The following UNC5D variants were observed in gnomAD, a reference collection of about 807,000 sequenced individuals.
The protein encoded by UNC5D is unc-5 netrin receptor D, also known as netrin receptor UNC5D.
A neutral mutation model predicts 105.4 loss-of-function variants in UNC5D; 39 were observed. The ratio of observed to expected loss-of-function variants is 0.37; its 90% CI spans 0.29 to 0.48. The LOEUF (loss-of-function observed/expected upper bound fraction) is 0.48, where lower values mean the gene tolerates loss of function less well. Ranked by LOEUF, UNC5D falls within the 20% of genes least tolerant of loss-of-function variation. The pLI, the probability that UNC5D is intolerant of heterozygous loss-of-function variation, is 0.98. For missense variants in UNC5D, 991 were observed against 1,202.4 expected (o/e 0.82, Z 2.60); for synonymous variants, 452 against 450.4 (o/e 1.00, Z -0.04).
At chr8:35,265,347 A>G (rs1255021173) in intron 1 of UNC5D, among the ~76,000 whole-genome samples, 2 of 151,052 alleles carry the variant, frequency 1.3e-5, no homozygotes, top group African/African-American at 4.9e-5. Context: ...CTTTTTCTGT[A>G]AAAAAAGATA....
At position 35,795,302 on chromosome 8, in the gene UNC5D, T is replaced by C. The variant is rs1453530019; in HGVS notation, c.*4739T>C. On this transcript the variant is annotated 3_prime_UTR_variant, in exon 17 of 17. Transcript: ENST00000404895. Reference sequence around the variant, plus strand: ...CAAAATACTTTCACAAAAGGCATGATTACAATGGAAATGCCCCTTTGCCTC... The same window carrying C: ...CAAAATACTTTCACAAAAGGCATGACTACAATGGAAATGCCCCTTTGCCTC... 6.6e-6 allele frequency: 1 copy of C among 152,196 alleles called. No individual in the cohort carries two copies. The highest frequency in any genetic ancestry group is 1.5e-5 in the Non-Finnish European group (1 of 68,046). The allele number at this position is 152,196 out of a possible 1,614,324, so 9.4% of individuals were successfully genotyped here.
intron 1 of UNC5D, among the ~76,000 whole-genome samples, chr8:35,400,586 G>A (rs1804395420): frequency 6.6e-6 from 1 of 152,058 alleles, no homozygotes; most frequent in Admixed American, 6.5e-5. Context: ...ACCTCTCCTA[G>A]CTGTGTTTTC....
At chr8:35,606,570 TC>T (rs1027786595) in intron 4 of UNC5D, among the ~76,000 whole-genome samples, 4 of 152,086 alleles carry the variant, frequency 2.6e-5, no homozygotes, top group African/African-American at 9.7e-5. Flanking sequence ...ATCCTCTTCC[TC>T]CTCCCACCCT....
At position 35,407,833 on chromosome 8, in the gene UNC5D, C is replaced by T. The variant is rs150335720; in HGVS notation, c.104-141459C>T. On this transcript the variant is annotated intron_variant, in intron 1 of 16. Coordinates refer to ENST00000404895, the MANE Select transcript of UNC5D (RefSeq NM_080872.4). ...GTGTTAGTTTGCTAAGGATAATGGC[C>T]TCCAACTCCATCCATTTCCCTGCAA... Among the ~76,000 whole-genome samples the T allele has an allele frequency of 2.6e-3, 399 of 152,140 alleles. 2 individuals carry two copies. Among genetic ancestry groups the T allele is most frequent in the African/African-American group, 9.0e-3 (373 of 41,512 alleles).
chr8:35,699,847 G>T (rs1025192390), intron 7 of UNC5D, among the ~76,000 whole-genome samples: 1 of 152,040 alleles, frequency 6.6e-6, no homozygotes, highest in Admixed American at 6.6e-5. Flanking sequence ...AAAGAAAAAC[G>T]CAATAAGGAA....
chr8:35,692,969 A>G (rs1199912396), intron 7 of UNC5D, among the ~76,000 whole-genome samples: 1 of 152,158 alleles, frequency 6.6e-6, no homozygotes, highest in Non-Finnish European at 1.5e-5. Context: ...GACCCACAGG[A>G]GTCATAATAA....
At chr8:35,396,283 T>C (rs1274010068) in intron 1 of UNC5D, among the ~76,000 whole-genome samples, 1 of 152,080 alleles carries the variant, frequency 6.6e-6, no homozygotes, top group Non-Finnish European at 1.5e-5. Context: ...CTATGATGCA[T>C]TACAACGAAA....
intron 1 of UNC5D, among the ~76,000 whole-genome samples, chr8:35,457,183 CT>C (rs1191312481): frequency 2.0e-5 from 3 of 152,006 alleles, no homozygotes; most frequent in Non-Finnish European, 2.9e-5. Flanking sequence ...TCTTCTCTTT[CT>C]TTTTTTATGT....
intron 1 of UNC5D, among the ~76,000 whole-genome samples, chr8:35,420,204 C>A (rs1460366305): frequency 6.6e-6 from 1 of 151,216 alleles, no homozygotes; most frequent in Non-Finnish European, 1.5e-5. Flanking sequence ...TTTTTTGTTT[C>A]TTCTTTTTTT....
chr8:35,387,404 G>A (rs1476456546), intron 1 of UNC5D, among the ~76,000 whole-genome samples: 4 of 149,150 alleles, frequency 2.7e-5, no homozygotes, highest in Non-Finnish European at 5.9e-5. Flanking sequence ...GGCCCTCTGC[G>A]TCCATCTGAT....
intron 1 of UNC5D, among the ~76,000 whole-genome samples, chr8:35,444,085 ATTTGGGGGAACC>A (rs1563424614): frequency 6.6e-6 from 1 of 152,044 alleles, no homozygotes; most frequent in African/African-American, 2.4e-5. Flanking sequence ...TGTTAAAAGT[ATTTGGGGGAACC>A]TTTTTTTCAC....
chr8:35,619,548 C>G (rs1286727809), intron 4 of UNC5D, among the ~76,000 whole-genome samples: 1 of 152,152 alleles, frequency 6.6e-6, no homozygotes, highest in African/African-American at 2.4e-5. Flanking sequence ...CGACTTGCTT[C>G]TCAAGCTTTA....
At chr8:35,726,566 T>G (rs1014133772) in intron 10 of UNC5D, 37 bp downstream of exon 10, 1 of 1,591,920 alleles carries the variant, frequency 6.3e-7, no homozygotes. Flanking sequence ...TTTTCCATCA[T>G]TTAAATGTTT....
chr8:35,272,140 A>G (rs1366343152), intron 1 of UNC5D, among the ~76,000 whole-genome samples: 1 of 152,188 alleles, frequency 6.6e-6, no homozygotes. Context: ...AAGAAAAAAA[A>G]TAAAACATGA....
At chr8:35,600,882 T>C (rs528398091) in intron 4 of UNC5D, among the ~76,000 whole-genome samples, 5 of 152,292 alleles carry the variant, frequency 3.3e-5, no homozygotes, top group South Asian at 4.1e-4. Flanking sequence ...CCCATGCCTA[T>C]GTCCTGAATG....
chr8:35,617,114 T>C (rs1821075907), intron 4 of UNC5D, among the ~76,000 whole-genome samples: 1 of 152,130 alleles, frequency 6.6e-6, no homozygotes, highest in South Asian at 2.1e-4. Context: ...AAATGTAGAC[T>C]GCCTTTGTTT....
Position 35,446,308 on chromosome 8 carries a change from C to T in UNC5D, c.104-102984C>T, listed in dbSNP as rs376186593. Among the ~76,000 whole-genome samples, 50 of 152,014 alleles carry T rather than the reference C, an allele frequency of 3.3e-4. No individual in the cohort carries two copies. In the South Asian group the frequency reaches 9.3e-3, roughly 28 times the overall value. ...TTGTTGAGATTTTGTTTAATTGCAACGTAACTCATATACCATATTACATTG... is the reference window on the plus strand; with the variant it reads ...TTGTTGAGATTTTGTTTAATTGCAATGTAACTCATATACCATATTACATTG... On this transcript the variant is annotated intron_variant, in intron 1 of 16. Transcript: ENST00000404895.
Position 35,551,219 on chromosome 8 carries a change from C to T in UNC5D, c.322+1709C>T, listed in dbSNP as rs112391842. Reference sequence around the variant, plus strand: ...AGAAGGTAAGAACTGGTTCAAGAGTCGGGAGGCTACAGAAATAACAACCAG... The same window carrying T: ...AGAAGGTAAGAACTGGTTCAAGAGTTGGGAGGCTACAGAAATAACAACCAG... On this transcript the variant is annotated intron_variant, in intron 2 of 16. Coordinates refer to ENST00000404895, the MANE Select transcript of UNC5D (RefSeq NM_080872.4). 2.4e-3 allele frequency among the ~76,000 whole-genome samples: 369 copies of T among 152,094 alleles called. 2 individuals carry two copies. The highest frequency in any genetic ancestry group is 8.4e-3 in the African/African-American group (348 of 41,482).
intron 1 of UNC5D, among the ~76,000 whole-genome samples, chr8:35,263,449 G>T (rs762820404): frequency 2.6e-5 from 4 of 151,926 alleles, no homozygotes; most frequent in Non-Finnish European, 5.9e-5. Flanking sequence ...TGTTACCCAG[G>T]CTGGAGTGCA....
Sources: allele counts gnomAD v4.1 joint callset (sites outside exome capture counted in the v4.1 genomes callset), GRCh38; gene constraint gnomAD v4.1.1; transcripts MANE v1.5; gene names NCBI Gene and HGNC (gene_info 2026-07-23, HGNC 2026-07-21).